NDUFA11: variants seen among roughly 807,000 people sequenced by gnomAD.
NDUFA11 encodes the protein NADH:ubiquinone oxidoreductase subunit A11.
A neutral mutation model predicts 11.3 loss-of-function variants in NDUFA11; 14 were observed. That is an observed-to-expected ratio of 1.24 (90% CI 0.82 to 1.94). The LOEUF is 1.94. NDUFA11 is among the 30% of genes most tolerant of loss of function. The pLI is 0.00. For synonymous variants in NDUFA11, 87 were observed against 85.6 expected (o/e 1.02, Z -0.09); for missense variants, 204 against 200.3 (o/e 1.02, Z -0.11).
chr19:5,898,836 T>C (rs1235243371), intron 1 of NDUFA11, among the ~76,000 whole-genome samples: 1 of 146,408 alleles, frequency 6.8e-6, no homozygotes, highest in Non-Finnish European at 1.5e-5. Flanking sequence ...ATTGCGCCAC[T>C]GCACTCCAGC....
At chr19:5,898,649 G>A (rs369212525) in intron 1 of NDUFA11, among the ~76,000 whole-genome samples, 16 of 152,176 alleles carry the variant, frequency 1.1e-4, no homozygotes, top group Admixed American at 3.9e-4. Flanking sequence ...CAAGGTGGGC[G>A]GATCATTTGA....
chr19:5,893,503 G>A (rs1019754237), downstream of NDUFA11, among the ~76,000 whole-genome samples: 2 of 152,062 alleles, frequency 1.3e-5, no homozygotes, highest in Non-Finnish European at 1.5e-5. The surrounding 1 kb of genome is among the most constrained non-coding windows in gnomAD (Gnocchi z 4.1). Flanking sequence ...GTCTCACTGC[G>A]TTGCCCAGGC....
At position 5,896,495 on chromosome 19, in the gene NDUFA11, AGTAGTTCAGGGGGTC is replaced by A. The variant is rs1303273022; in HGVS notation, c.256_270del (p.Asp86_Tyr90del). ...AGGCCTCCGGCGCAGCCACCGAGGA[AGTAGTTCAGGGGGTC>A]GTCGGGCTTCTCGCGGACATGGGCG... On this transcript the variant is annotated inframe_deletion, in exon 3 of 4. Transcript: ENST00000308961. This position sits in a 1 kb window ranked among gnomAD's most constrained non-coding sequence, Gnocchi z 5.8. 6.4e-7 allele frequency: 1 copy of A among 1,574,608 alleles called. No homozygotes were observed. Among genetic ancestry groups the A allele is most frequent in the African/African-American group, 1.3e-5 (1 of 74,416 alleles).
chr19:5,898,386 G>T (rs2057623681), intron 1 of NDUFA11, among the ~76,000 whole-genome samples: 1 of 152,210 alleles, frequency 6.6e-6, no homozygotes, highest in Non-Finnish European at 1.5e-5. Context: ...CGACTGAGGG[G>T]ACTCTCACAT....
intron 1 of NDUFA11, among the ~76,000 whole-genome samples, chr19:5,897,711 C>T (rs1345528128): frequency 6.6e-6 from 1 of 152,244 alleles, no homozygotes; most frequent in African/African-American, 2.4e-5. Context: ...GGCTTCTATG[C>T]ATGAGGAGCT....
rs898995324 is a variant in NDUFA11 at position 5,896,828 on chromosome 19, G to C, written c.190+77C>G. ...ACGGGCTGGGGAGTCAGAGAGAAGA[G>C]GCAGCCGTCAAATGTGCTCTGAGAG... On this transcript the variant is annotated intron_variant, in intron 2 of 3. Coordinates refer to ENST00000308961, the MANE Select transcript of NDUFA11 (RefSeq NM_175614.5). The surrounding 1 kb of genome is among the most constrained non-coding windows in gnomAD (Gnocchi z 5.8). 3.0e-6 allele frequency: 4 copies of C among 1,345,276 alleles called. No homozygotes were observed. In the African/African-American group the frequency reaches 5.7e-5, roughly 19 times the overall value. 83.3% of individuals were successfully genotyped at this position (1,345,276 alleles called of 1,614,324 possible).
At chr19:5,902,018 C>T (rs146681314) in intron 1 of NDUFA11, among the ~76,000 whole-genome samples, 142 of 151,960 alleles carry the variant, frequency 9.3e-4, no homozygotes, top group Middle Eastern at 6.8e-3. Flanking sequence ...CTCTGTCGCC[C>T]AGGCTGGAGT....
intron 1 of NDUFA11, among the ~76,000 whole-genome samples, chr19:5,899,410 A>G (rs1269651874): frequency 6.8e-6 from 1 of 147,568 alleles, no homozygotes; most frequent in Non-Finnish European, 1.5e-5. Flanking sequence ...CGGCCTCCCA[A>G]AAGTGCTGAG....
intron 1 of NDUFA11, chr19:5,902,427 C>T (rs886283183): frequency 6.6e-6 from 1 of 152,314 alleles, no homozygotes; most frequent in Non-Finnish European, 1.5e-5. Flanking sequence ...TCATGCCCAG[C>T]TAATTGTTTT....
chr19:5,903,619 G>T lies in NDUFA11; in HGVS notation c.90C>A (p.Ser30Arg). The T allele has an allele frequency of 6.4e-7, 1 of 1,550,718 alleles. No homozygotes were observed. The highest frequency in any genetic ancestry group is 8.7e-7 in the Non-Finnish European group (1 of 1,146,878). ...GGCCCGGCCGGCGCTCACCAGCGAC[G>T]CTGGCAATACTGGTGGTGCTGTAGG... The part of the protein sequence containing the change: ...RKAYSTTSIA[S>R]VAGLTAAAYR... The change falls in exon 1 of 4, where the codon AGC becomes AGA. Residue 30 changes from serine (S) to arginine (R), a missense_variant. Ser to Arg is a moderately radical substitution (Grantham distance 110). Transcript: ENST00000308961.
chr19:5,897,815 G>A (rs1054728303), intron 1 of NDUFA11, among the ~76,000 whole-genome samples: 5 of 152,242 alleles, frequency 3.3e-5, no homozygotes, highest in African/African-American at 9.6e-5. Flanking sequence ...GCCTAGGGGC[G>A]TCCTGAGTGA....
rs1473959872 is a variant in NDUFA11, at chr19:5,896,568, G to A, written c.198C>T (p.Val66=). The part of the protein sequence containing the change: ...VGQYTFTAAA[V]GAVFGLTTCI... ...AGGTGGTGAGGCCAAACACGGCCCC[G>A]ACAGCAGCTGCGGGGTAGACGGGAA... The change falls in exon 3 of 4, where the codon GTC becomes GTT. Residue 66 remains valine (V), a synonymous_variant. Coordinates refer to ENST00000308961, the MANE Select transcript of NDUFA11 (RefSeq NM_175614.5). This position sits in a 1 kb window ranked among gnomAD's most constrained non-coding sequence, Gnocchi z 5.8. 34 of 1,565,418 alleles carry A rather than the reference G, an allele frequency of 2.2e-5. No individual in the cohort carries two copies. Among genetic ancestry groups the A allele is most frequent in the Middle Eastern group, 1.9e-4 (1 of 5,308 alleles).
In NDUFA11 at chr19:5,896,329, G is replaced by A; in HGVS notation, c.313+124C>T. ...AGCTGTCGCTATGACTGAAATGGCT[G>A]GTGTTCAAGAAGGCTGCTTTACTTC... On this transcript the variant is annotated intron_variant, in intron 3 of 3. Transcript: ENST00000308961. The surrounding 1 kb of genome is among the most constrained non-coding windows in gnomAD (Gnocchi z 5.8). The A allele has an allele frequency of 1.7e-6, 2 of 1,143,818 alleles. No individual in the cohort carries two copies. The highest frequency in any genetic ancestry group is 2.5e-6 in the Non-Finnish European group (2 of 816,012). 70.9% of individuals were successfully genotyped at this position (1,143,818 alleles called of 1,614,324 possible).
At chr19:5,894,418 G>A (rs574078266), downstream of NDUFA11, among the ~76,000 whole-genome samples, 15 of 152,278 alleles carry the variant, frequency 9.9e-5, no homozygotes, top group South Asian at 2.3e-3. Flanking sequence ...TCACTGGCAC[G>A]CTCCTGCCCT....
intron 1 of NDUFA11, 149 bp downstream of exon 1, chr19:5,903,463 C>T (rs2057658353): frequency 1.4e-6 from 1 of 697,484 alleles, no homozygotes; most frequent in Non-Finnish European, 2.4e-6. Flanking sequence ...CACACAAGAT[C>T]CCCCCCTACG....
chr19:5,903,472 C>T, intron 1 of NDUFA11, 140 bp downstream of exon 1: 2 of 783,372 alleles, frequency 2.6e-6, no homozygotes, highest in South Asian at 1.7e-5. Context: ...TCCCCCCCTA[C>T]GACCGCCCAA....
chr19:5,893,569 G>A (rs2057590068), downstream of NDUFA11, among the ~76,000 whole-genome samples: 1 of 152,006 alleles, frequency 6.6e-6, no homozygotes, highest in Non-Finnish European at 1.5e-5. This position sits in a 1 kb window ranked among gnomAD's most constrained non-coding sequence, Gnocchi z 4.1. Flanking sequence ...CAAAAGTGCT[G>A]AGATTACAGG....
intron 1 of NDUFA11, among the ~76,000 whole-genome samples, chr19:5,898,432 A>G (rs2057623916): frequency 6.6e-6 from 1 of 152,206 alleles, no homozygotes; most frequent in African/African-American, 2.4e-5. Flanking sequence ...AGAGCAGCCC[A>G]TAGGAGGGAC....
downstream of NDUFA11, among the ~76,000 whole-genome samples, chr19:5,894,061 C>T (rs982558463): frequency 1.3e-5 from 2 of 152,334 alleles, no homozygotes; most frequent in African/African-American, 2.4e-5. Context: ...TCCAGGGCCA[C>T]CTAAATCACT....
Sources: allele counts gnomAD v4.1 joint callset (sites outside exome capture counted in the v4.1 genomes callset), GRCh38; gene constraint gnomAD v4.1.1; non-coding constraint Gnocchi (gnomAD v3.1); transcripts MANE v1.5; gene names NCBI Gene and HGNC (gene_info 2026-07-23, HGNC 2026-07-21).